The following SF3B1 variants were observed in gnomAD, a reference collection of about 807,000 sequenced individuals.
SF3B1 encodes the protein splicing factor 3b subunit 1, also known as pre-mRNA processing 10.
SF3B1 carries 12 observed loss-of-function variants against 153.8 expected under a neutral mutation model. The observed-to-expected ratio is 0.08, with a 90% CI of 0.05 to 0.13. The LOEUF is 0.13. Among genes scored for constraint, SF3B1 ranks in the 10% least tolerant of loss-of-function variants. The pLI is 1.00. For synonymous variants in SF3B1, 498 were observed against 525.2 expected (o/e 0.95, Z 0.71); for missense variants, 513 against 1,606.1 (o/e 0.32, Z 11.63).
At chr2:197,414,309 C>T (rs1452241656) in intron 6 of SF3B1, among the ~76,000 whole-genome samples, 1 of 152,200 alleles carries the variant, frequency 6.6e-6, no homozygotes, top group Non-Finnish European at 1.5e-5. Context: ...GTAAGTTTGG[C>T]AGCTATCTTA....
At position 197,400,224 on chromosome 2, in the gene SF3B1, G is replaced by T; in HGVS notation, c.2901+28C>A. On this transcript the variant is annotated intron_variant, in intron 19 of 24. Transcript: ENST00000335508. The surrounding 1 kb of genome is among the most constrained non-coding windows in gnomAD (Gnocchi z 5.0). ...TATTTACATTAAACTATTTGGGGAA[G>T]AAGTAAGAATTTGATGCAAAAGTTT... is the stretch of plus-strand genomic sequence containing the variant. The T allele has an allele frequency of 6.2e-7, 1 of 1,611,632 alleles. No homozygotes were observed. Among genetic ancestry groups the T allele is most frequent in the Non-Finnish European group, 8.5e-7 (1 of 1,178,150 alleles).
chr2:197,395,995 G>T, intron 23 of SF3B1, 61 bp downstream of exon 23: 2 of 1,410,202 alleles, frequency 1.4e-6, no homozygotes, highest in Non-Finnish European at 1.9e-6. Flanking sequence ...ACTATTTCAC[G>T]ATGTTCTAAA....
rs1420118540 is a variant in SF3B1, at chr2:197,403,040, A to G, written c.1720-5T>C. On this transcript the variant is annotated splice_polypyrimidine_tract_variant and splice_region_variant and intron_variant, in intron 12 of 24. Coordinates refer to ENST00000335508, the MANE Select transcript of SF3B1 (RefSeq NM_012433.4). Reference sequence around the variant, plus strand: ...CGGTTCAATGACCACGAGGATCTGAAAAAGAGAAAAGAGAAGAAGCTACAC... The same window carrying G: ...CGGTTCAATGACCACGAGGATCTGAGAAAGAGAAAAGAGAAGAAGCTACAC... 1.3e-6 allele frequency: 2 copies of G among 1,512,454 alleles called. No homozygotes were observed. Among genetic ancestry groups the G allele is most frequent in the East Asian group, 2.3e-5 (1 of 43,042 alleles). The allele number at this position is 1,512,454 out of a possible 1,614,324, so 93.7% of individuals were successfully genotyped here. A position where few individuals can be genotyped will look rare whatever the true frequency, so the allele number is the denominator to read the frequency against.
chr2:197,413,078 G>A (rs1037221439), intron 6 of SF3B1, among the ~76,000 whole-genome samples: 1 of 149,248 alleles, frequency 6.7e-6, no homozygotes, highest in Non-Finnish European at 1.5e-5. Flanking sequence ...CTCAAACTTA[G>A]TACTGAATGT....
chr2:197,424,104 T>C (rs1248612615), intron 1 of SF3B1, 130 bp from the exon 2 acceptor site: 8 of 786,792 alleles, frequency 1.0e-5, no homozygotes, highest in East Asian at 2.7e-5. Context: ...TTGCACCATA[T>C]AAGAGACTAG....
chr2:197,435,012 A>C lies in SF3B1; in HGVS notation c.-13T>G. On this transcript the variant is annotated 5_prime_UTR_variant, in exon 1 of 25. Coordinates refer to ENST00000335508, the MANE Select transcript of SF3B1 (RefSeq NM_012433.4). Reference sequence around the variant, plus strand: ...CGATCTTCGCCATTTTGTCCACTCGAACACACAGACGGAACTGGCGCTCCC... The same window carrying C: ...CGATCTTCGCCATTTTGTCCACTCGCACACACAGACGGAACTGGCGCTCCC... 6.2e-7 allele frequency: 1 copy of C among 1,614,264 alleles called. No homozygotes were observed. Among genetic ancestry groups the C allele is most frequent in the Non-Finnish European group, 8.5e-7 (1 of 1,180,046 alleles).
rs141896404 is a variant in SF3B1 at position 197,392,390 on chromosome 2, G to C, written c.3828C>G (p.Ser1276=). ...WKIYNSIYIG[S]QDALIAHYPR... is the part of the protein sequence containing the mutation. Reference sequence around the variant, plus strand: ...GGTAATGTGCTATGAGAGCGTCCTGGGAACCAATGTAGATGGAGTTGTAAA... The same window carrying C: ...GGTAATGTGCTATGAGAGCGTCCTGCGAACCAATGTAGATGGAGTTGTAAA... The change falls in exon 25 of 25, where the codon TCC becomes TCG. Residue 1276 remains serine (S), a synonymous_variant. Coordinates refer to ENST00000335508, the MANE Select transcript of SF3B1 (RefSeq NM_012433.4). 4 of 1,612,424 alleles carry C rather than the reference G, an allele frequency of 2.5e-6. No individual in the cohort carries two copies. Among genetic ancestry groups the C allele is most frequent in the African/African-American group, 1.3e-5 (1 of 74,928 alleles).
rs563951998 is a variant in SF3B1 at position 197,403,839 on chromosome 2, A to G, written c.1540-75T>C. 2.4e-5 allele frequency: 26 copies of G among 1,086,564 alleles called. No homozygotes were observed. In the East Asian group the frequency reaches 6.0e-4, roughly 25 times the overall value. 67.3% of individuals were successfully genotyped at this position (1,086,564 alleles called of 1,614,324 possible). The stretch of plus-strand genomic sequence containing the variant: ...TTTGAATGAGCAAATTACTCAAAGA[A>G]GATTTTCCATACTTTAATATTTTAG... On this transcript the variant is annotated intron_variant, in intron 11 of 24. Coordinates refer to ENST00000335508, the MANE Select transcript of SF3B1 (RefSeq NM_012433.4).
Position 197,400,564 on chromosome 2 carries a change from T to C in SF3B1, c.2719-130A>G. On this transcript the variant is annotated intron_variant, in intron 18 of 24. Transcript: ENST00000335508. The surrounding 1 kb of genome is among the most constrained non-coding windows in gnomAD (Gnocchi z 5.0). ...GTTTTTTTACATCAAATCTTAAAACTTGAGGTAGAATAATATCGTTTGGTA... is the reference window on the plus strand; with the variant it reads ...GTTTTTTTACATCAAATCTTAAAACCTGAGGTAGAATAATATCGTTTGGTA... 3 of 1,031,916 alleles carry C rather than the reference T, an allele frequency of 2.9e-6. No homozygotes were observed. The highest frequency in any genetic ancestry group is 4.2e-6 in the Non-Finnish European group (3 of 715,972). 63.9% of individuals were successfully genotyped at this position (1,031,916 alleles called of 1,614,324 possible).
At chr2:197,423,369 CA>C (rs775495226) in intron 2 of SF3B1, among the ~76,000 whole-genome samples, 2,101 of 68,912 alleles carry the variant, frequency 0.03, 33 homozygotes, top group African/African-American at 0.091. Context: ...GAGACTGTCT[CA>C]AAAAAAAAAA....
Position 197,402,644 on chromosome 2 carries a change from A to G in SF3B1, c.1989T>C (p.Thr663=), listed in dbSNP as rs372772007. ...CTATCTGTTGTACAATCTTAATACC[A>G]GTGTGTCTCGCTTGCCAGGACTTCT... is the stretch of plus-strand genomic sequence containing the variant. The part of the protein sequence containing the change: ...KSKKSWQARH[T]GIKIVQQIAI... The change falls in exon 14 of 25, where the codon ACT becomes ACC. Residue 663 remains threonine, a synonymous_variant. Coordinates refer to ENST00000335508, the MANE Select transcript of SF3B1 (RefSeq NM_012433.4). The surrounding 1 kb of genome is among the most constrained non-coding windows in gnomAD (Gnocchi z 4.6). 2 of 1,614,080 alleles carry G rather than the reference A, an allele frequency of 1.2e-6. No homozygotes were observed. Among genetic ancestry groups the G allele is most frequent in the Non-Finnish European group, 8.5e-7 (1 of 1,179,920 alleles).
intron 6 of SF3B1, among the ~76,000 whole-genome samples, chr2:197,411,294 T>C (rs2085063972): frequency 6.6e-6 from 1 of 152,110 alleles, no homozygotes; most frequent in Non-Finnish European, 1.5e-5. Flanking sequence ...TAGAGTTGAG[T>C]GTAAAGAAAA....
chr2:197,404,918 C>A, intron 11 of SF3B1, 158 bp downstream of exon 11: 1 of 573,860 alleles, frequency 1.7e-6, no homozygotes, highest in Non-Finnish European at 3.1e-6. Context: ...GAGCCTCACA[C>A]CTGTAATCCC....
At chr2:197,394,337 T>C (rs2084850813) in intron 23 of SF3B1, among the ~76,000 whole-genome samples, 1 of 152,214 alleles carries the variant, frequency 6.6e-6, no homozygotes, top group Non-Finnish European at 1.5e-5. Flanking sequence ...GATTATAAAC[T>C]TAAATCTTTA....
chr2:197,424,716 G>C (rs1356449193), intron 1 of SF3B1, among the ~76,000 whole-genome samples: 2 of 152,156 alleles, frequency 1.3e-5, no homozygotes, highest in African/African-American at 2.4e-5. Flanking sequence ...ATTTTGCAAA[G>C]TAATGTTTTG....
intron 1 of SF3B1, among the ~76,000 whole-genome samples, chr2:197,432,749 A>G (rs1307812653): frequency 1.3e-5 from 2 of 152,100 alleles, no homozygotes; most frequent in African/African-American, 4.8e-5. Flanking sequence ...TGCCTGCGAT[A>G]CTAGTACTCA....
chr2:197,401,624 A>T lies in SF3B1; in HGVS notation c.2371-99T>A. On this transcript the variant is annotated intron_variant, in intron 16 of 24. Coordinates refer to ENST00000335508, the MANE Select transcript of SF3B1 (RefSeq NM_012433.4). The surrounding 1 kb of genome is among the most constrained non-coding windows in gnomAD (Gnocchi z 4.2). Reference sequence around the variant, plus strand: ...ATTTTAAAAAATAAAATTTAAAAACAAATCAAACAGTATTCGTGTAACATA... The same window carrying T: ...ATTTTAAAAAATAAAATTTAAAAACTAATCAAACAGTATTCGTGTAACATA... The T allele has an allele frequency of 1.3e-6, 2 of 1,491,594 alleles. No homozygotes were observed. Among genetic ancestry groups the T allele is most frequent in the South Asian group, 2.4e-5 (2 of 82,198 alleles). 92.4% of individuals were successfully genotyped at this position (1,491,594 alleles called of 1,614,324 possible). A position where few individuals can be genotyped will look rare whatever the true frequency, so the allele number is the denominator to read the frequency against.
rs776593152 is a variant in SF3B1 at position 197,411,368 on chromosome 2, T to C, written c.667-1361A>G. Among the ~76,000 whole-genome samples the C allele has an allele frequency of 7.2e-5, 11 of 152,274 alleles. No individual in the cohort carries two copies. In the Middle Eastern group the frequency reaches 0.024, roughly 330 times the overall value. On this transcript the variant is annotated intron_variant, in intron 6 of 24. Coordinates refer to ENST00000335508, the MANE Select transcript of SF3B1 (RefSeq NM_012433.4). ...CAGGATGTGTAATGTACTTTATATA[T>C]TTGTTTTAAAGTTGGGAGCTCTTGG...
chr2:197,404,513 G>T, intron 11 of SF3B1, among the ~76,000 whole-genome samples: 1 of 151,968 alleles, frequency 6.6e-6, no homozygotes. Context: ...AGAGGCGGAG[G>T]TTGCAGTGAG....
Sources: gnomAD v4.1 joint callset for allele counts (sites outside exome capture counted in the v4.1 genomes callset) on GRCh38, gnomAD v4.1.1 for gene constraint, Gnocchi (gnomAD v3.1) non-coding constraint, MANE v1.5 for transcripts, NCBI Gene and HGNC (gene_info 2026-07-23, HGNC 2026-07-21) for gene names.